Variants in PPP2R2C observed in about 807,000 individuals in gnomAD.
PPP2R2C encodes protein phosphatase 2, regulatory subunit B, gamma.
A neutral mutation model predicts 45.3 loss-of-function variants in PPP2R2C; 10 were observed. That is an observed-to-expected ratio of 0.22 (90% confidence interval 0.14 to 0.37). The LOEUF (loss-of-function observed/expected upper bound fraction) is 0.37. PPP2R2C is among the 10% of genes least tolerant of loss of function. The pLI is 1.00. For synonymous variants in PPP2R2C, 257 were observed against 245.4 expected (o/e 1.05, Z -0.44); for missense variants, 308 against 619.7 (o/e 0.50, Z 5.34).
intron 2 of PPP2R2C, among the ~76,000 whole-genome samples, chr4:6,534,267 A>G (rs1724513268): frequency 6.7e-6 from 1 of 149,926 alleles, no homozygotes; most frequent in Non-Finnish European, 1.5e-5. Flanking sequence ...AGCACACCAC[A>G]TAGCAAGACA....
intron 1 of PPP2R2C, among the ~76,000 whole-genome samples, chr4:6,458,215 G>A (rs1721140538): frequency 6.6e-6 from 1 of 152,198 alleles, no homozygotes; most frequent in Admixed American, 6.5e-5. Flanking sequence ...ATCTGTTTGT[G>A]TAAAACATCA....
chr4:6,389,795 T>G (rs551715018), intron 1 of PPP2R2C, among the ~76,000 whole-genome samples: 223 of 152,272 alleles, frequency 1.5e-3, no homozygotes, highest in Non-Finnish European at 2.6e-3. Flanking sequence ...ATTGCACAGA[T>G]GAAGAAACTG....
intron 1 of PPP2R2C, among the ~76,000 whole-genome samples, chr4:6,393,707 T>C (rs903023771): frequency 1.3e-5 from 2 of 152,180 alleles, no homozygotes; most frequent in African/African-American, 4.8e-5. Flanking sequence ...AGTTTCTCCC[T>C]GGCCAAGCCA....
chr4:6,513,798 C>G (rs1464403388), intron 2 of PPP2R2C, among the ~76,000 whole-genome samples: 1 of 151,392 alleles, frequency 6.6e-6, no homozygotes, highest in African/African-American at 2.5e-5. Flanking sequence ...CAGGGAAGGG[C>G]CCCCAGAGGC....
chr4:6,537,255 T>C (rs1016084190), intron 1 of PPP2R2C, among the ~76,000 whole-genome samples: 3 of 151,456 alleles, frequency 2.0e-5, no homozygotes, highest in South Asian at 2.1e-4. Context: ...GTTCATAGCA[T>C]GGAGGTCTAA....
At position 6,545,292 on chromosome 4, in the gene PPP2R2C, T is replaced by C. The variant is rs1724940777; in HGVS notation, c.-58-9915A>G. Among the ~76,000 whole-genome samples the C allele has an allele frequency of 2.6e-5, 4 of 152,322 alleles. No homozygotes were observed. The South Asian group carries it at 8.3e-4, about 32-fold the overall frequency. On this transcript the variant is annotated intron_variant, in intron 1 of 9. Transcript: ENST00000506140. The stretch of plus-strand genomic sequence containing the variant: ...CAAAATGACTGAAATCGTGTTATAA[T>C]TTATCATAGTAGCAGTGGAGCTCAA...
intron 1 of PPP2R2C, among the ~76,000 whole-genome samples, chr4:6,450,792 G>A (rs905182739): frequency 1.3e-5 from 2 of 152,166 alleles, no homozygotes; most frequent in African/African-American, 4.8e-5. Context: ...TTCCATACCT[G>A]GGTAGGGGGT....
intron 4 of PPP2R2C, among the ~76,000 whole-genome samples, chr4:6,373,779 C>T (rs376467341): frequency 7.2e-5 from 11 of 152,328 alleles, no homozygotes; most frequent in African/African-American, 2.2e-4. Context: ...TTTTCCCACA[C>T]ACCAGGGCAC....
intron 2 of PPP2R2C, among the ~76,000 whole-genome samples, chr4:6,496,013 A>G (rs1311681291): frequency 6.6e-6 from 1 of 152,096 alleles, no homozygotes; most frequent in Non-Finnish European, 1.5e-5. Context: ...TGGCTTGTGA[A>G]CACATCACCC....
intron 5 of PPP2R2C, among the ~76,000 whole-genome samples, chr4:6,352,647 G>C (rs939589541): frequency 1.3e-5 from 2 of 152,216 alleles, no homozygotes; most frequent in Non-Finnish European, 1.5e-5. Context: ...AGAGAGAGGA[G>C]CAAGTTATGC....
chr4:6,357,732 G>A (rs1713339334), intron 5 of PPP2R2C, among the ~76,000 whole-genome samples: 1 of 152,168 alleles, frequency 6.6e-6, no homozygotes, highest in South Asian at 2.1e-4. Context: ...CTGGTGGGTG[G>A]GGGTAGGGGT....
chr4:6,382,846 G>A (rs1715948630), intron 1 of PPP2R2C: 1 of 1,118,436 alleles, frequency 8.9e-7, no homozygotes, highest in Admixed American at 4.4e-5. Context: ...ACTGGCAGCA[G>A]AGAGGCTGGT....
intron 1 of PPP2R2C, among the ~76,000 whole-genome samples, chr4:6,420,303 T>C (rs1213234556): frequency 6.7e-6 from 1 of 150,100 alleles, no homozygotes; most frequent in African/African-American, 2.4e-5. Context: ...CATCAGAATG[T>C]GCCACCAGTG....
chr4:6,385,678 T>C (rs1716158960), intron 1 of PPP2R2C, among the ~76,000 whole-genome samples: 1 of 152,170 alleles, frequency 6.6e-6, no homozygotes, highest in African/African-American at 2.4e-5. Flanking sequence ...CAAGTGATTC[T>C]CGTGCCTCAG....
intron 4 of PPP2R2C, among the ~76,000 whole-genome samples, chr4:6,374,771 G>A (rs373072115): frequency 6.6e-5 from 10 of 152,278 alleles, no homozygotes; most frequent in African/African-American, 2.2e-4. Flanking sequence ...CACCTCTAGG[G>A]CCCCAAGGGC....
chr4:6,386,344 C>T (rs908522037), intron 1 of PPP2R2C, among the ~76,000 whole-genome samples: 1 of 152,152 alleles, frequency 6.6e-6, no homozygotes. Flanking sequence ...CTGAGACACT[C>T]GCAGCAGCTG....
At chr4:6,404,129 G>A (rs944568653) in intron 1 of PPP2R2C, among the ~76,000 whole-genome samples, 3 of 152,146 alleles carry the variant, frequency 2.0e-5, no homozygotes, top group Non-Finnish European at 4.4e-5. Flanking sequence ...GGGGACTCCT[G>A]GGGACTGCCT....
At chr4:6,421,560 C>G (rs1336466927) in intron 1 of PPP2R2C, among the ~76,000 whole-genome samples, 1 of 152,086 alleles carries the variant, frequency 6.6e-6, no homozygotes, top group African/African-American at 2.4e-5. Flanking sequence ...AAATGGCGGC[C>G]GTGAAAACGA....
At chr4:6,451,712 G>A (rs936190890) in intron 1 of PPP2R2C, among the ~76,000 whole-genome samples, 4 of 152,070 alleles carry the variant, frequency 2.6e-5, no homozygotes, top group African/African-American at 7.2e-5. Context: ...GAGGACAAAG[G>A]AAACTCTTCC....
Sources: gnomAD v4.1 joint callset for allele counts (sites outside exome capture counted in the v4.1 genomes callset) on GRCh38, gnomAD v4.1.1 for gene constraint, MANE v1.5 for transcripts, NCBI Gene and HGNC (gene_info 2026-07-23, HGNC 2026-07-21) for gene names.